Variants in RGS17 observed in about 807,000 individuals in gnomAD.
RGS17 encodes regulator of G-protein signaling 17.
In RGS17, 12 loss-of-function variants were observed where a neutral mutation model predicts 25.5. The ratio of observed to expected loss-of-function variants is 0.47; its 90% CI spans 0.30 to 0.76. The LOEUF is 0.76. Among genes scored for constraint, RGS17 ranks in the 30% least tolerant of loss-of-function variants. The probability of loss-of-function intolerance (pLI) is 0.07; values close to 1 mark genes in which losing one functional copy is unlikely to be tolerated. For missense variants in RGS17, 196 were observed against 242.2 expected (o/e 0.81, Z 1.27); for synonymous variants, 71 against 76.9 (o/e 0.92, Z 0.40).
chr6:153,088,928 G>A (rs1777087869), intron 1 of RGS17, among the ~76,000 whole-genome samples: 1 of 105,076 alleles, frequency 9.5e-6, no homozygotes, highest in African/African-American at 3.2e-5. Flanking sequence ...TTATTGTAAG[G>A]GAAAAAGAAA....
rs1779112409 is a variant in RGS17 at position 153,009,719 on chromosome 6, T to C, written c.*1855A>G. On this transcript the variant is annotated 3_prime_UTR_variant, in exon 5 of 5. Coordinates refer to ENST00000206262, the MANE Select transcript of RGS17 (RefSeq NM_012419.5). Reference sequence around the variant, plus strand: ...AAATAACGTATTTAAAAGTGCTGAATATGGTAGGATAGTCAGCAACGCCAG... The same window carrying C: ...AAATAACGTATTTAAAAGTGCTGAACATGGTAGGATAGTCAGCAACGCCAG... 1 of 152,010 alleles carries C rather than the reference T, an allele frequency of 6.6e-6. No individual in the cohort carries two copies. Among genetic ancestry groups the C allele is most frequent in the Non-Finnish European group, 1.5e-5 (1 of 67,876 alleles). 9.4% of individuals were successfully genotyped at this position (152,010 alleles called of 1,614,324 possible).
At chr6:153,127,735 C>G (rs1777723946) in intron 1 of RGS17, among the ~76,000 whole-genome samples, 1 of 152,016 alleles carries the variant, frequency 6.6e-6, no homozygotes, top group African/African-American at 2.4e-5. Context: ...ATATATATTC[C>G]CAAAACGACA....
intron 4 of RGS17, among the ~76,000 whole-genome samples, chr6:153,013,940 G>A (rs1779158210): frequency 6.6e-6 from 1 of 152,196 alleles, no homozygotes; most frequent in East Asian, 1.9e-4. Context: ...GGCTGATGTA[G>A]AAACTGCAGT....
intron 1 of RGS17, among the ~76,000 whole-genome samples, chr6:153,113,939 G>A (rs776623775): frequency 3.9e-5 from 6 of 152,128 alleles, no homozygotes; most frequent in Non-Finnish European, 8.8e-5. Flanking sequence ...AGTGTTTAGA[G>A]GGAAATTTAT....
rs1482238091 is a variant in RGS17, at chr6:153,006,218, T to A, written c.*5356A>T. 1 of 152,194 alleles carries A rather than the reference T, an allele frequency of 6.6e-6. No individual in the cohort carries two copies. Among genetic ancestry groups the A allele is most frequent in the Non-Finnish European group, 1.5e-5 (1 of 68,036 alleles). The allele number at this position is 152,194 out of a possible 1,614,324, so 9.4% of individuals were successfully genotyped here. A position where few individuals can be genotyped will look rare whatever the true frequency, so the allele number is the denominator to read the frequency against. On this transcript the variant is annotated 3_prime_UTR_variant, in exon 5 of 5. Transcript: ENST00000206262. Reference sequence around the variant, plus strand: ...GTTAAAGAAAATCATACCACCTTAATATTAAAAAGAGTGTTTTCTAATTGT... The same window carrying A: ...GTTAAAGAAAATCATACCACCTTAAAATTAAAAAGAGTGTTTTCTAATTGT...
At chr6:153,085,313 T>A (rs982145722) in intron 1 of RGS17, among the ~76,000 whole-genome samples, 1 of 152,192 alleles carries the variant, frequency 6.6e-6, no homozygotes, top group Non-Finnish European at 1.5e-5. Flanking sequence ...TCAGAGATTA[T>A]CAGGTACCAC....
intron 2 of RGS17, among the ~76,000 whole-genome samples, chr6:153,036,042 C>T (rs1335737583): frequency 6.6e-6 from 1 of 152,130 alleles, no homozygotes; most frequent in African/African-American, 2.4e-5. Context: ...CTCTTGGCTT[C>T]TGTAACAGTC....
At chr6:153,082,050 C>T (rs891012214) in intron 1 of RGS17, among the ~76,000 whole-genome samples, 3 of 152,166 alleles carry the variant, frequency 2.0e-5, no homozygotes, top group African/African-American at 4.8e-5. Flanking sequence ...TTTAAAATGT[C>T]ATTCCATTAT....
At chr6:153,040,255 C>T (rs1245672577) in intron 2 of RGS17, among the ~76,000 whole-genome samples, 1 of 152,106 alleles carries the variant, frequency 6.6e-6, no homozygotes, top group African/African-American at 2.4e-5. Context: ...CCTGTCTAAA[C>T]AGTTTAGAAT....
chr6:153,027,641 T>C (rs1204800413), intron 2 of RGS17, among the ~76,000 whole-genome samples: 1 of 152,156 alleles, frequency 6.6e-6, no homozygotes, highest in African/African-American at 2.4e-5. Flanking sequence ...ATTAATATTA[T>C]TATCCCCATT....
At chr6:153,127,574 A>G (rs1318732871) in intron 1 of RGS17, among the ~76,000 whole-genome samples, 1 of 152,224 alleles carries the variant, frequency 6.6e-6, no homozygotes, top group East Asian at 1.9e-4. Flanking sequence ...GAGCCACAAT[A>G]CAAGCTAAAG....
chr6:153,060,155 G>A (rs151239776), intron 1 of RGS17, among the ~76,000 whole-genome samples: 211 of 152,280 alleles, frequency 1.4e-3, no homozygotes, highest in Non-Finnish European at 1.9e-3. Context: ...AGAAGGACAC[G>A]GAGTGTCCTA....
chr6:153,117,024 G>A (rs1186333963), intron 1 of RGS17, among the ~76,000 whole-genome samples: 1 of 152,134 alleles, frequency 6.6e-6, no homozygotes, highest in South Asian at 2.1e-4. Flanking sequence ...GCATACCTAT[G>A]TAACAAACCT....
intron 1 of RGS17, among the ~76,000 whole-genome samples, chr6:153,096,955 G>A (rs551841687): frequency 6.6e-6 from 1 of 152,190 alleles, no homozygotes; most frequent in South Asian, 2.1e-4. Context: ...TTGACAATAG[G>A]GGAAGCATCA....
intron 4 of RGS17, 126 bp from the exon 5 acceptor site, chr6:153,011,888 G>T: frequency 1.5e-6 from 1 of 663,800 alleles, no homozygotes; most frequent in Non-Finnish European, 2.4e-6. Flanking sequence ...AAAGTCTTGG[G>T]TTCATCTTTT....
intron 1 of RGS17, among the ~76,000 whole-genome samples, chr6:153,111,102 T>G: frequency 6.6e-6 from 1 of 151,480 alleles, no homozygotes; most frequent in East Asian, 1.9e-4. Context: ...AACTGTTCAC[T>G]CCCCTGGAAA....
At chr6:153,091,547 C>T (rs1433389151) in intron 1 of RGS17, among the ~76,000 whole-genome samples, 2 of 151,644 alleles carry the variant, frequency 1.3e-5, no homozygotes, top group Admixed American at 6.6e-5. Context: ...GTCACACAGG[C>T]TCTGTCACAC....
At chr6:153,057,800 T>C (rs1379126683) in intron 1 of RGS17, among the ~76,000 whole-genome samples, 1 of 152,174 alleles carries the variant, frequency 6.6e-6, no homozygotes, top group East Asian at 1.9e-4. Flanking sequence ...TCATCAGGCA[T>C]TACATTCTCA....
chr6:153,099,281 CTTTATT>C (rs947034072), intron 1 of RGS17, among the ~76,000 whole-genome samples: 9 of 152,136 alleles, frequency 5.9e-5, no homozygotes, highest in African/African-American at 2.2e-4. Context: ...AACTTTGTCT[CTTTATT>C]TTTAACATTT....
Sources: gnomAD v4.1 joint callset for allele counts (sites outside exome capture counted in the v4.1 genomes callset) on GRCh38, gnomAD v4.1.1 for gene constraint, MANE v1.5 for transcripts, NCBI Gene and HGNC (gene_info 2026-07-23, HGNC 2026-07-21) for gene names.